The following EYS variants were observed in gnomAD, a reference collection of about 807,000 sequenced individuals.
The protein encoded by EYS is EGF-like photoreceptor maintenance factor, also known as protein eyes shut homolog.
EYS carries 250 observed loss-of-function variants against 282.1 expected under a neutral mutation model. The observed-to-expected ratio is 0.89, with a 90% confidence interval of 0.80 to 0.98. The LOEUF is 0.98. EYS is among the 50% of genes least tolerant of loss of function. The pLI is 0.00. For missense variants in EYS, 4,016 were observed against 3,709.0 expected (o/e 1.08, Z -2.15); for synonymous variants, 1,355 against 1,282.9 (o/e 1.06, Z -1.20).
intron 36 of EYS, among the ~76,000 whole-genome samples, chr6:63,826,845 C>CAAAAAAAAAAAAAAAAAGAAAAAAAA (rs1771475400): frequency 3.9e-5 from 3 of 76,760 alleles, no homozygotes; most frequent in Admixed American, 1.4e-4. Flanking sequence ...AGTTAAAAAG[C>CAAAAAAAAAAAAAAAAAGAAAAAAAA]AAAAAAAAAA....
intron 28 of EYS, among the ~76,000 whole-genome samples, chr6:64,396,358 T>C (rs966445428): frequency 2.0e-5 from 3 of 152,144 alleles, no homozygotes; most frequent in African/African-American, 7.2e-5. Flanking sequence ...GTTCAGTATA[T>C]GTGCTCTACT....
chr6:65,459,585 T>A (rs1764743674), intron 5 of EYS, among the ~76,000 whole-genome samples: 1 of 151,894 alleles, frequency 6.6e-6, no homozygotes, highest in Non-Finnish European at 1.5e-5. Context: ...TAAAATATTA[T>A]TATACAACTT....
intron 19 of EYS, among the ~76,000 whole-genome samples, chr6:64,868,119 T>A (rs985150561): frequency 6.6e-6 from 1 of 151,450 alleles, no homozygotes; most frequent in African/African-American, 2.4e-5. Flanking sequence ...CATATCATTT[T>A]AATCTTATTT....
In EYS at chr6:65,219,308, C is replaced by T. The variant is rs943096284; in HGVS notation, c.2023+76555G>A. ...ATTAAAACAATGGTTCCAAATAAAC[C>T]GGAATGTTGATTTTCAGTAGAGGAA... On this transcript the variant is annotated intron_variant, in intron 12 of 42. Transcript: ENST00000503581. 5.9e-5 allele frequency among the ~76,000 whole-genome samples: 9 copies of T among 151,966 alleles called. No individual in the cohort carries two copies. The South Asian group carries it at 1.2e-3, about 21-fold the overall frequency.
intron 18 of EYS, among the ~76,000 whole-genome samples, chr6:64,890,388 G>T (rs1436350843): frequency 1.3e-5 from 2 of 152,058 alleles, no homozygotes; most frequent in African/African-American, 2.4e-5. Context: ...ATAAAAACTT[G>T]CTGGTTTTTG....
At chr6:64,767,530 G>A (rs1360297728) in intron 22 of EYS, among the ~76,000 whole-genome samples, 1 of 151,978 alleles carries the variant, frequency 6.6e-6, no homozygotes, top group Non-Finnish European at 1.5e-5. Flanking sequence ...ATGAGAACAT[G>A]AGATAGATAA....
chr6:64,141,423 G>A (rs1260097742), intron 31 of EYS, among the ~76,000 whole-genome samples: 1 of 152,150 alleles, frequency 6.6e-6, no homozygotes, highest in Non-Finnish European at 1.5e-5. Flanking sequence ...AAAGCAGGTT[G>A]ATTACTTTTA....
At chr6:64,388,933 A>C in intron 28 of EYS, 93 bp from the exon 29 acceptor site, 4 of 831,720 alleles carry the variant, frequency 4.8e-6, no homozygotes, top group Non-Finnish European at 6.8e-6. Flanking sequence ...GAATAATTTA[A>C]GTAAATAGAT....
intron 13 of EYS, among the ~76,000 whole-genome samples, chr6:65,018,797 A>G (rs2180328): frequency 0.96 from 145,418 of 152,202 alleles, 69,561 homozygotes; most frequent in African/African-American, 0.99. Flanking sequence ...AGTGAAGCCT[A>G]TATGCATACC....
At chr6:65,276,265 T>C (rs1768045274) in intron 12 of EYS, among the ~76,000 whole-genome samples, 2 of 152,164 alleles carry the variant, frequency 1.3e-5, no homozygotes, top group Admixed American at 6.5e-5. Flanking sequence ...CCAGAACTCA[T>C]GGTCCAGGAT....
At chr6:65,097,576 A>G (rs894307084) in intron 12 of EYS, among the ~76,000 whole-genome samples, 1 of 150,902 alleles carries the variant, frequency 6.6e-6, no homozygotes, top group African/African-American at 2.4e-5. Context: ...ATTTACAATA[A>G]GCAAGATAGG....
intron 12 of EYS, among the ~76,000 whole-genome samples, chr6:65,269,859 G>A (rs1393688): frequency 0.98 from 148,876 of 152,170 alleles, 72,903 homozygotes; most frequent in East Asian, 1. Context: ...TTACCTCCCA[G>A]AGACCCTACC....
At chr6:64,431,405 G>T (rs1185728375) in intron 28 of EYS, among the ~76,000 whole-genome samples, 2 of 152,070 alleles carry the variant, frequency 1.3e-5, no homozygotes, top group African/African-American at 4.8e-5. Context: ...GCTGCTGAGG[G>T]TTAACACTTC....
chr6:63,737,375 T>A (rs1401044222), intron 41 of EYS, among the ~76,000 whole-genome samples: 3 of 152,126 alleles, frequency 2.0e-5, no homozygotes, highest in Non-Finnish European at 4.4e-5. Context: ...GTTCTGTTTA[T>A]ATGCTGGATT....
intron 31 of EYS, among the ~76,000 whole-genome samples, chr6:64,224,675 T>G (rs1582450498): frequency 6.6e-6 from 1 of 152,122 alleles, no homozygotes; most frequent in Admixed American, 6.6e-5. Flanking sequence ...AAAATCTTTG[T>G]TTATGGAAAT....
At chr6:63,943,069 G>C (rs2149759337) in intron 35 of EYS, among the ~76,000 whole-genome samples, 1 of 152,312 alleles carries the variant, frequency 6.6e-6, no homozygotes, top group African/African-American at 2.4e-5. Context: ...CTGGTCAACA[G>C]TAAGCTATTA....
chr6:63,754,423 A>G (rs577878858), intron 41 of EYS, among the ~76,000 whole-genome samples: 7 of 151,840 alleles, frequency 4.6e-5, no homozygotes, highest in Non-Finnish European at 1.0e-4. Flanking sequence ...GCTCCCACTT[A>G]TGAGTGAGAA....
At chr6:64,393,764 G>T (rs926148488) in intron 28 of EYS, among the ~76,000 whole-genome samples, 4 of 151,610 alleles carry the variant, frequency 2.6e-5, no homozygotes, top group African/African-American at 9.7e-5. Context: ...TCAACATAGT[G>T]TTGGAAGTTC....
At chr6:63,946,552 G>A (rs1765402853) in intron 35 of EYS, among the ~76,000 whole-genome samples, 1 of 151,894 alleles carries the variant, frequency 6.6e-6, no homozygotes, top group Non-Finnish European at 1.5e-5. Context: ...TTTACATTTT[G>A]TGTAGCTTGT....
Sources: gnomAD v4.1 joint callset for allele counts (sites outside exome capture counted in the v4.1 genomes callset) on GRCh38, gnomAD v4.1.1 for gene constraint, MANE v1.5 for transcripts, NCBI Gene and HGNC (gene_info 2026-07-23, HGNC 2026-07-21) for gene names.